Variants in CIMAP2 observed in about 807,000 individuals in gnomAD.
The protein encoded by CIMAP2 is ciliary microtubule associated protein 2.
the CIMAP2 span, among the ~76,000 whole-genome samples, chr1:54,806,669 C>T: frequency 6.8e-6 from 1 of 147,114 alleles, no homozygotes; most frequent in Non-Finnish European, 1.5e-5. Flanking sequence ...GTGAACACAA[C>T]AGCAAACCCC....
the CIMAP2 span, among the ~76,000 whole-genome samples, chr1:54,811,319 T>C: frequency 6.6e-6 from 1 of 152,002 alleles, no homozygotes; most frequent in Non-Finnish European, 1.5e-5. Flanking sequence ...CAGGCAACTG[T>C]CTCAGGTGGA....
the CIMAP2 span, chr1:54,816,953 G>GCTTGCTAAT: frequency 6.2e-7 from 1 of 1,613,170 alleles, no homozygotes; most frequent in Non-Finnish European, 8.5e-7. Context: ...TCCAAGCCAG[G>GCTTGCTAAT]CTTGCTAATG....
the CIMAP2 span, among the ~76,000 whole-genome samples, chr1:54,833,683 C>T: frequency 1.3e-5 from 2 of 152,082 alleles, no homozygotes; most frequent in African/African-American, 4.8e-5. Context: ...TTTCATCTAG[C>T]CAACTTTCTA....
the CIMAP2 span, among the ~76,000 whole-genome samples, chr1:54,825,598 G>A: frequency 1.2e-4 from 19 of 152,154 alleles, no homozygotes; most frequent in Middle Eastern, 3.4e-3. Flanking sequence ...CAGTGGGCTG[G>A]GTATGTCAGT....
At chr1:54,823,987 A>G in the CIMAP2 span, among the ~76,000 whole-genome samples, 1 of 150,116 alleles carries the variant, frequency 6.7e-6, no homozygotes, top group South Asian at 2.1e-4. Flanking sequence ...TTGAATAATC[A>G]TCCTATGCTC....
the CIMAP2 span, among the ~76,000 whole-genome samples, chr1:54,838,655 T>C: frequency 6.6e-6 from 1 of 151,956 alleles, no homozygotes; most frequent in African/African-American, 2.4e-5. Flanking sequence ...CTCAGTGGCT[T>C]AAAACAATAG....
At chr1:54,814,378 G>A in the CIMAP2 span, among the ~76,000 whole-genome samples, 766 of 152,290 alleles carry the variant, frequency 5.0e-3, 4 homozygotes, top group Middle Eastern at 0.01. Flanking sequence ...CACTTGCTCC[G>A]CCCAAGGGAG....
the CIMAP2 span, among the ~76,000 whole-genome samples, chr1:54,821,604 G>A: frequency 6.6e-6 from 1 of 152,018 alleles, no homozygotes; most frequent in Non-Finnish European, 1.5e-5. Context: ...TTCCATTATA[G>A]AGGTCTTTCA....
the CIMAP2 span, among the ~76,000 whole-genome samples, chr1:54,840,087 T>C: frequency 6.6e-6 from 1 of 152,202 alleles, no homozygotes; most frequent in African/African-American, 2.4e-5. Context: ...GTAGTTGTCA[T>C]ACATATAACC....
chr1:54,812,087 C>T, the CIMAP2 span: 2 of 1,614,216 alleles, frequency 1.2e-6, no homozygotes, highest in South Asian at 1.1e-5. Context: ...TCAAAAGCGA[C>T]CTTGAGACAT....
At chr1:54,811,765 G>GCCGGGGGGGGGGCGCCC in the CIMAP2 span, 1 of 1,301,328 alleles carries the variant, frequency 7.7e-7, no homozygotes, top group South Asian at 1.2e-5. Context: ...GGTTCTGACA[G>GCCGGGGGGGGGGCGCCC]CCTCCATGCC....
the CIMAP2 span, chr1:54,811,764 A>AGCGGGGGGGGGGGGG: frequency 9.1e-7 from 1 of 1,097,916 alleles, no homozygotes; most frequent in Non-Finnish European, 1.3e-6. Context: ...TGGTTCTGAC[A>AGCGGGGGGGGGGGGG]GCCTCCATGC....
chr1:54,810,768 T>A, the CIMAP2 span, among the ~76,000 whole-genome samples: 1 of 152,188 alleles, frequency 6.6e-6, no homozygotes, highest in Non-Finnish European at 1.5e-5. Context: ...GCAGCCCAGG[T>A]CCCAGATGGT....
the CIMAP2 span, chr1:54,814,009 C>G: frequency 5.1e-6 from 8 of 1,554,498 alleles, no homozygotes; most frequent in Non-Finnish European, 6.9e-6. Context: ...CTTCCTCTCT[C>G]GGAGGGCAGC....
the CIMAP2 span, chr1:54,813,801 CTCTTTT>C: frequency 6.3e-7 from 1 of 1,584,908 alleles, no homozygotes; most frequent in Non-Finnish European, 8.5e-7. Context: ...TCCTTTTTCT[CTCTTTT>C]TCTTAGAAAA....
the CIMAP2 span, chr1:54,812,202 G>A: frequency 6.2e-7 from 1 of 1,614,024 alleles, no homozygotes; most frequent in African/African-American, 1.3e-5. Context: ...GTGTACCCAG[G>A]GGTTGAAGGG....
the CIMAP2 span, among the ~76,000 whole-genome samples, chr1:54,813,632 C>G: frequency 2.0e-5 from 3 of 150,792 alleles, no homozygotes; most frequent in Admixed American, 2.0e-4. Flanking sequence ...GAAAGACTGT[C>G]TGTTTCCACC....
chr1:54,826,757 T>C, the CIMAP2 span, among the ~76,000 whole-genome samples: 2 of 152,240 alleles, frequency 1.3e-5, no homozygotes, highest in African/African-American at 2.4e-5. Flanking sequence ...TTTTCCTGGC[T>C]CTGAGCTGAT....
At chr1:54,812,106 C>T in the CIMAP2 span, 33 of 1,614,052 alleles carry the variant, frequency 2.0e-5, no homozygotes, top group African/African-American at 1.1e-4. Flanking sequence ...ATATGTGGCA[C>T]GATCCGTCGG....
Sources: allele counts gnomAD v4.1 joint callset (sites outside exome capture counted in the v4.1 genomes callset), GRCh38; gene constraint gnomAD v4.1.1; transcripts MANE v1.5; gene names NCBI Gene and HGNC (gene_info 2026-07-23, HGNC 2026-07-21).